The following DCDC1 variants were observed in gnomAD, a reference collection of about 807,000 sequenced individuals.
DCDC1 encodes the protein doublecortin domain containing 1.
Under a neutral mutation model 178.3 loss-of-function variants are expected in DCDC1, and 200 were observed. That is an observed-to-expected ratio of 1.12 (90% CI 1.00 to 1.26). The LOEUF is 1.26. Ranked by LOEUF, DCDC1 falls within the 50% of genes most tolerant of loss-of-function variation. The probability of loss-of-function intolerance (pLI) is 0.00; values close to 1 mark genes in which losing one functional copy is unlikely to be tolerated. For synonymous variants in DCDC1, 690 were observed against 604.8 expected (o/e 1.14, Z -2.07); for missense variants, 1,983 against 1,749.2 (o/e 1.13, Z -2.38).
intron 3 of DCDC1, 57 bp downstream of exon 3, chr11:31,328,058 CTA>C: frequency 1.4e-6 from 2 of 1,481,164 alleles, no homozygotes; most frequent in East Asian, 2.4e-5. Flanking sequence ...AAACTACTTT[CTA>C]TAAACACTTT....
chr11:30,884,816 A>C (rs1333090828), intron 36 of DCDC1, among the ~76,000 whole-genome samples: 1 of 152,070 alleles, frequency 6.6e-6, no homozygotes, highest in Non-Finnish European at 1.5e-5. Context: ...AAAATAAAAG[A>C]ATACCACAGC....
intron 8 of DCDC1, among the ~76,000 whole-genome samples, chr11:31,243,084 T>C (rs1240533937): frequency 3.3e-5 from 5 of 151,778 alleles, no homozygotes; most frequent in Non-Finnish European, 5.9e-5. Flanking sequence ...CTTAGAGTAA[T>C]TGCTTTTCTA....
At chr11:30,951,982 A>G (rs911637162) in intron 21 of DCDC1, among the ~76,000 whole-genome samples, 2 of 152,196 alleles carry the variant, frequency 1.3e-5, no homozygotes, top group Admixed American at 1.3e-4. Context: ...CTTGCTGATT[A>G]CTGGGAGCCC....
chr11:30,936,653 T>C (rs1590430287), intron 21 of DCDC1, among the ~76,000 whole-genome samples: 1 of 152,108 alleles, frequency 6.6e-6, no homozygotes, highest in Non-Finnish European at 1.5e-5. Flanking sequence ...TTCACATTCA[T>C]ACAGTGGGCT....
At chr11:31,273,966 G>A (rs1945783630) in intron 7 of DCDC1, among the ~76,000 whole-genome samples, 1 of 152,080 alleles carries the variant, frequency 6.6e-6, no homozygotes, top group Non-Finnish European at 1.5e-5. Flanking sequence ...ACTATCATGA[G>A]AACAGCATGT....
At chr11:31,191,925 G>T (rs11031307) in intron 9 of DCDC1, among the ~76,000 whole-genome samples, 40,064 of 151,838 alleles carry the variant, frequency 0.26, 5,448 homozygotes, top group African/African-American at 0.32. Context: ...ATAAGTAGAG[G>T]CTATATTTTA....
chr11:30,867,275 G>A (rs954970881), intron 38 of DCDC1, among the ~76,000 whole-genome samples: 3 of 152,182 alleles, frequency 2.0e-5, no homozygotes, highest in Non-Finnish European at 4.4e-5. Context: ...AGGCTTTGAG[G>A]TTAGGCAGAT....
intron 18 of DCDC1, among the ~76,000 whole-genome samples, chr11:31,067,741 C>A: frequency 6.6e-6 from 1 of 151,990 alleles, no homozygotes; most frequent in Admixed American, 6.6e-5. Context: ...CATGCTACAA[C>A]CTGAATTAAC....
At chr11:31,126,984 A>C (rs1961720831) in intron 11 of DCDC1, among the ~76,000 whole-genome samples, 1 of 152,170 alleles carries the variant, frequency 6.6e-6, no homozygotes, top group Non-Finnish European at 1.5e-5. Context: ...GATTTTACCA[A>C]GTGAACTCCA....
chr11:30,917,713 G>A (rs1406519578), intron 25 of DCDC1, among the ~76,000 whole-genome samples: 7 of 152,142 alleles, frequency 4.6e-5, no homozygotes, highest in African/African-American at 1.7e-4. Context: ...CCTTCAGTGG[G>A]ATTGTGATAT....
chr11:30,900,530 T>C, intron 32 of DCDC1, 32 bp from the exon 33 acceptor site: 1 of 1,456,470 alleles, frequency 6.9e-7, no homozygotes, highest in Non-Finnish European at 9.2e-7. Flanking sequence ...TTATCATTGT[T>C]CAACGAATAA....
intron 9 of DCDC1, among the ~76,000 whole-genome samples, chr11:31,195,417 T>C (rs1970584194): frequency 6.6e-6 from 1 of 152,102 alleles, no homozygotes; most frequent in Admixed American, 6.6e-5. Flanking sequence ...AGACCATGAA[T>C]CATTCTATTT....
At chr11:31,014,646 T>A (rs1766707851) in intron 20 of DCDC1, among the ~76,000 whole-genome samples, 1 of 152,216 alleles carries the variant, frequency 6.6e-6, no homozygotes, top group Non-Finnish European at 1.5e-5. Flanking sequence ...TGCTGCTAAC[T>A]TTTTCTAATT....
intron 17 of DCDC1, among the ~76,000 whole-genome samples, chr11:31,087,406 G>C (rs1274412052): frequency 6.6e-6 from 1 of 151,092 alleles, no homozygotes; most frequent in Non-Finnish European, 1.5e-5. Flanking sequence ...TGTTTCATTG[G>C]CTCTTACAGT....
intron 37 of DCDC1, among the ~76,000 whole-genome samples, 169 bp downstream of exon 37, chr11:30,880,989 G>A (rs1425649360): frequency 3.3e-5 from 5 of 152,134 alleles, no homozygotes; most frequent in South Asian, 2.1e-4. Context: ...GTGTTAACAC[G>A]AGGTTCCAGC....
At chr11:31,311,538 A>G (rs1175702899) in intron 3 of DCDC1, among the ~76,000 whole-genome samples, 1 of 152,216 alleles carries the variant, frequency 6.6e-6, no homozygotes, top group Non-Finnish European at 1.5e-5. Context: ...TTATTTTAAT[A>G]TTAGTTTTTC....
At chr11:31,082,138 G>A (rs1957215908) in intron 17 of DCDC1, among the ~76,000 whole-genome samples, 2 of 152,096 alleles carry the variant, frequency 1.3e-5, no homozygotes, top group African/African-American at 4.8e-5. Context: ...GAAAGGAAGG[G>A]AAAATGGAGG....
At position 31,045,043 on chromosome 11, in the gene DCDC1, A is replaced by T. The variant is rs147391801; in HGVS notation, c.2591+19426T>A. On this transcript the variant is annotated intron_variant, in intron 20 of 38. Transcript: ENST00000684477. The stretch of plus-strand genomic sequence containing the variant: ...GAAATCTATGGTATACCAGTAAACC[A>T]CAATGAGTATTTTACAAGACGTATA... Among the ~76,000 whole-genome samples, 264 of 152,296 alleles carry T rather than the reference A, an allele frequency of 1.7e-3. 1 individual carries two copies. Among genetic ancestry groups the T allele is most frequent in the African/African-American group, 6.1e-3 (255 of 41,564 alleles).
intron 1 of DCDC1, among the ~76,000 whole-genome samples, chr11:31,362,442 T>C (rs1029157544): frequency 2.0e-5 from 3 of 152,340 alleles, no homozygotes; most frequent in African/African-American, 7.2e-5. Flanking sequence ...GACAAGGTAG[T>C]AATTTATGAT....
Sources: allele counts gnomAD v4.1 joint callset (sites outside exome capture counted in the v4.1 genomes callset), GRCh38; gene constraint gnomAD v4.1.1; transcripts MANE v1.5; gene names NCBI Gene and HGNC (gene_info 2026-07-23, HGNC 2026-07-21).